The following CLSTN2 variants were observed in gnomAD, a reference collection of about 807,000 sequenced individuals.
The protein encoded by CLSTN2 is calsyntenin-2.
In CLSTN2, 48 loss-of-function variants were observed where a neutral mutation model predicts 101.2. That is an observed-to-expected ratio of 0.47 (90% CI 0.38 to 0.60). The LOEUF (loss-of-function observed/expected upper bound fraction) is 0.60. Among genes scored for constraint, CLSTN2 ranks in the 20% least tolerant of loss-of-function variants. CLSTN2 has a pLI of 0.00. For synonymous variants in CLSTN2, 481 were observed against 463.6 expected, an observed-to-expected ratio of 1.04 and a Z score of -0.48; for missense variants, 1,160 against 1,238.2, an observed-to-expected ratio of 0.94 and a Z score of 0.95.
At chr3:140,385,301 A>G (rs1414444608) in intron 2 of CLSTN2, among the ~76,000 whole-genome samples, 1 of 145,090 alleles carries the variant, frequency 6.9e-6, no homozygotes, top group Non-Finnish European at 1.5e-5. Context: ...CACTCTCATG[A>G]TGGCTCAAAA....
intron 5 of CLSTN2, among the ~76,000 whole-genome samples, chr3:140,429,543 G>A (rs992670867): frequency 6.6e-6 from 1 of 152,136 alleles, no homozygotes; most frequent in Non-Finnish European, 1.5e-5. Context: ...TGAGGACCAG[G>A]TCATGGAGGG....
intron 1 of CLSTN2, among the ~76,000 whole-genome samples, chr3:139,976,015 C>T (rs1208780848): frequency 6.6e-6 from 1 of 152,164 alleles, no homozygotes; most frequent in African/African-American, 2.4e-5. Flanking sequence ...GAAGTGATTT[C>T]AAATCAAAAG....
intron 1 of CLSTN2, among the ~76,000 whole-genome samples, chr3:139,996,612 T>C (rs1482980233): frequency 6.6e-6 from 1 of 152,236 alleles, no homozygotes; most frequent in African/African-American, 2.4e-5. Flanking sequence ...CCATATTCTC[T>C]TGAACACTGA....
chr3:140,239,505 A>T (rs543444313), intron 2 of CLSTN2, among the ~76,000 whole-genome samples: 1 of 152,232 alleles, frequency 6.6e-6, no homozygotes, highest in East Asian at 1.9e-4. Context: ...CTTAAAAATG[A>T]TAATATAATA....
chr3:139,940,740 T>C (rs2009192), intron 1 of CLSTN2, among the ~76,000 whole-genome samples: 9,532 of 152,242 alleles, frequency 0.063, 342 homozygotes, highest in Non-Finnish European at 0.082. Flanking sequence ...TAAAAAGACA[T>C]GCTTTTTTTC....
At chr3:140,215,157 G>A (rs940792122) in intron 2 of CLSTN2, among the ~76,000 whole-genome samples, 8 of 152,074 alleles carry the variant, frequency 5.3e-5, no homozygotes, top group Non-Finnish European at 1.0e-4. Flanking sequence ...TGGCTTTGCC[G>A]TCTTTCTCTC....
chr3:140,093,976 G>A (rs892406001), intron 1 of CLSTN2, among the ~76,000 whole-genome samples: 10 of 152,176 alleles, frequency 6.6e-5, no homozygotes, highest in African/African-American at 1.9e-4. Context: ...AACACTGCCC[G>A]GGGGAATCTG....
intron 1 of CLSTN2, among the ~76,000 whole-genome samples, chr3:140,072,316 A>T (rs1245022862): frequency 6.6e-6 from 1 of 152,184 alleles, no homozygotes; most frequent in East Asian, 1.9e-4. Context: ...AGAAATCCTT[A>T]TGTTGAATCT....
At chr3:140,000,727 C>T (rs1028199670) in intron 1 of CLSTN2, among the ~76,000 whole-genome samples, 4 of 152,164 alleles carry the variant, frequency 2.6e-5, no homozygotes, top group African/African-American at 4.8e-5. Context: ...ATGTTGCTTG[C>T]GCTGGTAGAG....
chr3:139,984,070 A>C (rs1314547014), intron 1 of CLSTN2, among the ~76,000 whole-genome samples: 1 of 152,196 alleles, frequency 6.6e-6, no homozygotes, highest in African/African-American at 2.4e-5. Flanking sequence ...CTCTTTAATC[A>C]GCTAAGCAAT....
At chr3:140,323,296 C>T (rs2087302309) in intron 2 of CLSTN2, among the ~76,000 whole-genome samples, 1 of 152,202 alleles carries the variant, frequency 6.6e-6, no homozygotes, top group South Asian at 2.1e-4. Flanking sequence ...GCCTCTGATG[C>T]CAGCTGGCAT....
chr3:140,472,823 C>A (rs556577216), intron 8 of CLSTN2, among the ~76,000 whole-genome samples: 2 of 152,278 alleles, frequency 1.3e-5, no homozygotes, highest in South Asian at 2.1e-4. Flanking sequence ...GAGACAGTCA[C>A]AAATAGTGAC....
chr3:139,994,409 T>A (rs6785197), intron 1 of CLSTN2, among the ~76,000 whole-genome samples: 151,341 of 152,326 alleles, frequency 0.99, 75,190 homozygotes, highest in East Asian at 1. Flanking sequence ...CCCACTTAAC[T>A]GATGAGGAAA....
chr3:140,302,116 TG>T (rs2107910397), intron 2 of CLSTN2, among the ~76,000 whole-genome samples: 1 of 152,352 alleles, frequency 6.6e-6, no homozygotes, highest in East Asian at 1.9e-4. Flanking sequence ...ACTAGACCCG[TG>T]TCTTAATATT....
At chr3:140,107,858 C>T (rs1035312208) in intron 1 of CLSTN2, among the ~76,000 whole-genome samples, 1 of 152,182 alleles carries the variant, frequency 6.6e-6, no homozygotes, top group South Asian at 2.1e-4. Context: ...TCTCACAAGA[C>T]TGCAGAGACA....
At chr3:140,262,030 C>T (rs190284855) in intron 2 of CLSTN2, among the ~76,000 whole-genome samples, 65 of 152,246 alleles carry the variant, frequency 4.3e-4, no homozygotes, top group Non-Finnish European at 6.5e-4. Context: ...TTAGAGTTGT[C>T]CTGTCCTGCT....
chr3:139,961,171 A>T (rs1174240645), intron 1 of CLSTN2, among the ~76,000 whole-genome samples: 1 of 152,216 alleles, frequency 6.6e-6, no homozygotes, highest in Non-Finnish European at 1.5e-5. Flanking sequence ...AATTAGACTC[A>T]GCCAAAGTTA....
intron 2 of CLSTN2, among the ~76,000 whole-genome samples, chr3:140,360,434 G>C (rs187745406): frequency 6.6e-6 from 1 of 152,346 alleles, no homozygotes; most frequent in East Asian, 1.9e-4. Context: ...AGTACCTGGG[G>C]AAAAGGAGAA....
In CLSTN2 at chr3:140,067,094, T is replaced by C. The variant is rs147819690; in HGVS notation, c.110-108857T>C. Among the ~76,000 whole-genome samples, 488 of 152,264 alleles carry C rather than the reference T, an allele frequency of 3.2e-3. 2 individuals carry two copies. Among genetic ancestry groups the C allele is most frequent in the African/African-American group, 0.01 (434 of 41,540 alleles). The stretch of plus-strand genomic sequence containing the variant: ...ACATGGGGTAACAAGGAAGAAGTCT[T>C]ATTCACTCAAAGGGGAATGTGGTGA... On this transcript the variant is annotated intron_variant, in intron 1 of 16. Coordinates refer to ENST00000458420, the MANE Select transcript of CLSTN2 (RefSeq NM_022131.3).
Sources: gnomAD v4.1 joint callset for allele counts (sites outside exome capture counted in the v4.1 genomes callset) on GRCh38, gnomAD v4.1.1 for gene constraint, MANE v1.5 for transcripts, NCBI Gene and HGNC (gene_info 2026-07-23, HGNC 2026-07-21) for gene names.